RREB1: variants seen among roughly 807,000 people sequenced by gnomAD.
RREB1 encodes the protein ras responsive element binding protein 1, also known as ras-responsive element-binding protein 1.
In RREB1, 27 loss-of-function variants were observed where a neutral mutation model predicts 117.8. The ratio of observed to expected loss-of-function variants is 0.23; its 90% confidence interval spans 0.17 to 0.32. The LOEUF (loss-of-function observed/expected upper bound fraction) is 0.32. RREB1 is among the 10% of genes least tolerant of loss of function. The pLI, the probability that RREB1 is intolerant of heterozygous loss-of-function variation, is 1.00. For synonymous variants in RREB1, 1,298 were observed against 1,026.7 expected (o/e 1.26, Z -5.05); for missense variants, 2,577 against 2,378.2 (o/e 1.08, Z -1.74).
rs1372791567 is a variant in RREB1, at chr6:7,181,117, C to T, written c.-165-7C>T. Reference sequence around the variant, plus strand: ...ATGTTCACTTTGGGCCTTTGCTTCCCTTCCAGTGTCAACGAGTACTACCAA... The same window carrying T: ...ATGTTCACTTTGGGCCTTTGCTTCCTTTCCAGTGTCAACGAGTACTACCAA... On this transcript the variant is annotated splice_region_variant and splice_polypyrimidine_tract_variant and intron_variant, in intron 2 of 12. Coordinates refer to ENST00000379938, the MANE Select transcript of RREB1 (RefSeq NM_001003699.4). 1 of 398,276 alleles carries T rather than the reference C, an allele frequency of 2.5e-6. No homozygotes were observed. Among genetic ancestry groups the T allele is most frequent in the African/African-American group, 2.1e-5 (1 of 48,580 alleles). 24.7% of individuals were successfully genotyped at this position (398,276 alleles called of 1,614,324 possible).
chr6:7,185,193 T>C (rs1765022055), intron 4 of RREB1: 1 of 152,212 alleles, frequency 6.6e-6, no homozygotes, highest in Non-Finnish European at 1.5e-5. Flanking sequence ...AGGATGTTCA[T>C]GTTTTGTAGA....
intron 8 of RREB1, among the ~76,000 whole-genome samples, chr6:7,223,257 TAAAA>T (rs59558597): frequency 1.0e-5 from 1 of 97,290 alleles, no homozygotes; most frequent in African/African-American, 4.0e-5. Flanking sequence ...ACTCTCTTTT[TAAAA>T]AAAAAAAAAA....
chr6:7,124,979 C>T (rs1761846573), intron 1 of RREB1, among the ~76,000 whole-genome samples: 1 of 152,230 alleles, frequency 6.6e-6, no homozygotes, highest in South Asian at 2.1e-4. Context: ...TGAAAACCTG[C>T]TGTGTGCAGA....
In RREB1 at chr6:7,231,798, G is replaced by A. The variant is rs758564476; in HGVS notation, c.3699G>A (p.Arg1233=). Residue 1233 remains arginine (R), a synonymous_variant, in exon 10 of 13, where the codon AGG becomes AGA. Transcript: ENST00000379938. ...GTCCCCCAGAAGACAAGCTGCTGAG[G>A]GCCAAGCGGAACTCGTACACCAACT... ...QGSPPEDKLL[R]AKRNSYTNCL... 2 of 1,613,638 alleles carry A rather than the reference G, an allele frequency of 1.2e-6. No homozygotes were observed. Among genetic ancestry groups the A allele is most frequent in the Non-Finnish European group, 1.7e-6 (2 of 1,180,046 alleles).
chr6:7,203,059 G>A (rs1232395534), intron 6 of RREB1, among the ~76,000 whole-genome samples: 2 of 152,164 alleles, frequency 1.3e-5, no homozygotes, highest in Non-Finnish European at 2.9e-5. Flanking sequence ...GAGGATGTAG[G>A]GTGTTACTGA....
Position 7,246,457 on chromosome 6 carries a change from C to A in RREB1, c.4007C>A (p.Ala1336Glu). Residue 1336 changes from alanine to glutamate, a missense_variant, in exon 12 of 13, where the codon GCG (alanine) becomes GAG (glutamate). Transcript: ENST00000379938. ...SQSDAETAAA[A>E]GEVLDLTSRD... ...TCGGATGCGGAGACTGCAGCCGCCG[C>A]GGGCGAAGTGCTAGACCTCACCTCA... 1.3e-6 allele frequency: 2 copies of A among 1,509,530 alleles called. No individual in the cohort carries two copies. The highest frequency in any genetic ancestry group is 1.8e-6 in the Non-Finnish European group (2 of 1,125,008). The allele number at this position is 1,509,530 out of a possible 1,614,324, so 93.5% of individuals were successfully genotyped here. A position where few individuals can be genotyped will look rare whatever the true frequency, so the allele number is the denominator to read the frequency against.
At chr6:7,109,830 C>T (rs1364462444) in intron 1 of RREB1, among the ~76,000 whole-genome samples, 1 of 152,106 alleles carries the variant, frequency 6.6e-6, no homozygotes, top group Non-Finnish European at 1.5e-5. Context: ...GATGCTCCTG[C>T]TGCTGCTGCT....
At chr6:7,134,873 C>T (rs1762286874) in intron 1 of RREB1, among the ~76,000 whole-genome samples, 1 of 152,222 alleles carries the variant, frequency 6.6e-6, no homozygotes, top group Non-Finnish European at 1.5e-5. Flanking sequence ...CTAAACGCCA[C>T]TGTATGACAA....
Position 7,187,540 on chromosome 6 carries a change from CTTTTATTTTATTTTATTTTATTTTA to C in RREB1, c.261+43_261+67del, listed in dbSNP as rs3028658. 1.4e-5 allele frequency: 12 copies of C among 847,768 alleles called. No homozygotes were observed. The highest frequency in any genetic ancestry group is 6.5e-5 in the South Asian group (2 of 30,894). The allele number at this position is 847,768 out of a possible 1,614,324, so 52.5% of individuals were successfully genotyped here. A position where few individuals can be genotyped will look rare whatever the true frequency, so the allele number is the denominator to read the frequency against. ...ATTCGCCAGGTAGATTCCCACTGTTCTTTTATTTTATTTTATTTTATTTTATTTTATTTTATTTTATTTTATTTTA... is the reference window on the plus strand; with the variant it reads ...ATTCGCCAGGTAGATTCCCACTGTTCTTTTATTTTATTTTATTTTATTTTA... On this transcript the variant is annotated intron_variant, in intron 5 of 12. Coordinates refer to ENST00000379938, the MANE Select transcript of RREB1 (RefSeq NM_001003699.4).
intron 1 of RREB1, among the ~76,000 whole-genome samples, chr6:7,117,872 C>T (rs148843406): frequency 2.9e-4 from 44 of 152,126 alleles, no homozygotes; most frequent in African/African-American, 1.0e-3. Flanking sequence ...GTATGAGCCA[C>T]TGAGCCTGAC....
At chr6:7,130,100 C>A (rs1188726910) in intron 1 of RREB1, among the ~76,000 whole-genome samples, 2 of 152,196 alleles carry the variant, frequency 1.3e-5, no homozygotes, top group Admixed American at 6.5e-5. Context: ...GCTGTCTTTG[C>A]CTGTTGCTGT....
chr6:7,211,996 A>G (rs950743619), intron 8 of RREB1: 4 of 400,540 alleles, frequency 1.0e-5, no homozygotes, highest in African/African-American at 2.0e-5. Context: ...GTCTGCTATC[A>G]TGGGTGTTCT....
rs141244894 is a variant in RREB1 at position 7,129,554 on chromosome 6, C to T, written c.-285+21494C>T. Among the ~76,000 whole-genome samples, 473 of 152,352 alleles carry T rather than the reference C, an allele frequency of 3.1e-3. 2 individuals carry two copies. The highest frequency in any genetic ancestry group is 0.011 in the African/African-American group (447 of 41,584). On this transcript the variant is annotated intron_variant, in intron 1 of 12. Transcript: ENST00000379938. ...CCCATGGCAGCTCGTACAGGATGAA[C>T]CAAGAGGCAGCACCCAGGATATCTG...
Position 7,246,927 on chromosome 6 carries a change from G to A in RREB1, c.4477G>A (p.Ala1493Thr), listed in dbSNP as rs1769100840. The change falls in exon 12 of 13, where the codon GCC becomes ACC. Residue 1493 changes from alanine to threonine, a missense_variant. Transcript: ENST00000379938. The part of the protein sequence containing the change: ...ASTAEEGPQP[A>T]PEQEEKPPET... The stretch of plus-strand genomic sequence containing the variant: ...CACTGCAGAGGAGGGGCCCCAGCCC[G>A]CCCCTGAACAGGAGGAGAAGCCCCC... The A allele has an allele frequency of 1.3e-6, 2 of 1,555,334 alleles. No homozygotes were observed. The highest frequency in any genetic ancestry group is 1.2e-5 in the South Asian group (1 of 84,688).
At chr6:7,184,898 A>G (rs1021408948) in intron 4 of RREB1, 15 of 151,824 alleles carry the variant, frequency 9.9e-5, no homozygotes, top group African/African-American at 3.6e-4. Context: ...TGTATGTAAA[A>G]TTGCCTATCT....
intron 1 of RREB1, among the ~76,000 whole-genome samples, chr6:7,114,915 T>C (rs1329598987): frequency 6.6e-6 from 1 of 152,206 alleles, no homozygotes; most frequent in Non-Finnish European, 1.5e-5. Context: ...CAGTCACCTC[T>C]TCAGTTATTT....
At chr6:7,109,148 C>T (rs1050845360) in intron 1 of RREB1, among the ~76,000 whole-genome samples, 1 of 151,854 alleles carries the variant, frequency 6.6e-6, no homozygotes, top group Non-Finnish European at 1.5e-5. Flanking sequence ...AAACTTTTGT[C>T]CGCCGCCCGC....
intron 6 of RREB1, among the ~76,000 whole-genome samples, chr6:7,201,196 C>T (rs1183011974): frequency 6.6e-6 from 1 of 152,132 alleles, no homozygotes; most frequent in Non-Finnish European, 1.5e-5. Context: ...GCACTGAGAA[C>T]TTTGAACAGG....
intron 1 of RREB1, among the ~76,000 whole-genome samples, chr6:7,129,631 T>C (rs1762071596): frequency 6.6e-6 from 1 of 152,264 alleles, no homozygotes; most frequent in African/African-American, 2.4e-5. Context: ...GCTTTATTTC[T>C]TTACAGCCAT....
Sources: gnomAD v4.1 joint callset for allele counts (sites outside exome capture counted in the v4.1 genomes callset) on GRCh38, gnomAD v4.1.1 for gene constraint, MANE v1.5 for transcripts, NCBI Gene and HGNC (gene_info 2026-07-23, HGNC 2026-07-21) for gene names.